Variants in ARFGEF1 observed in about 807,000 individuals in gnomAD.
ARFGEF1 encodes the protein brefeldin A-inhibited guanine nucleotide-exchange protein 1.
In ARFGEF1, 42 loss-of-function variants were observed where a neutral mutation model predicts 231.0. That is an observed-to-expected ratio of 0.18 (90% CI 0.14 to 0.24). The LOEUF (loss-of-function observed/expected upper bound fraction) is 0.24. Among genes scored for constraint, ARFGEF1 ranks in the 10% least tolerant of loss-of-function variants. The pLI, the probability that ARFGEF1 is intolerant of heterozygous loss-of-function variation, is 1.00. For missense variants in ARFGEF1, 1,345 were observed against 2,192.0 expected (o/e 0.61, Z 7.72); for synonymous variants, 710 against 732.3 (o/e 0.97, Z 0.49).
downstream of ARFGEF1, chr8:67,193,540 G>C (rs560351612): frequency 1.9e-6 from 3 of 1,613,596 alleles, no homozygotes; most frequent in African/African-American, 1.3e-5. Flanking sequence ...GATGAGCTTA[G>C]AGTGAGAAAT....
At chr8:67,254,629 C>T (rs1840398314) in intron 17 of ARFGEF1, among the ~76,000 whole-genome samples, 1 of 152,076 alleles carries the variant, frequency 6.6e-6, no homozygotes, top group African/African-American at 2.4e-5. Context: ...AATTCAAGTC[C>T]AGCCTAGGCA....
At chr8:67,195,587 TG>T, downstream of ARFGEF1, 1 of 1,613,666 alleles carries the variant, frequency 6.2e-7, no homozygotes, top group Non-Finnish European at 8.5e-7. Flanking sequence ...CGACTGCACA[TG>T]GTTAAAATAA....
chr8:67,324,966 T>C (rs1467560684), intron 1 of ARFGEF1, among the ~76,000 whole-genome samples: 1 of 151,336 alleles, frequency 6.6e-6, no homozygotes, highest in Non-Finnish European at 1.5e-5. Flanking sequence ...CAGGCTGGAA[T>C]GCAACGGCGC....
At chr8:67,283,535 A>G (rs1394326944) in intron 7 of ARFGEF1, among the ~76,000 whole-genome samples, 4 of 152,158 alleles carry the variant, frequency 2.6e-5, no homozygotes, top group Non-Finnish European at 5.9e-5. Flanking sequence ...TTAAAAAATT[A>G]TGTACAGCAA....
chr8:67,187,544 T>A (rs190113239), intron 5 of ARFGEF1, among the ~76,000 whole-genome samples: 1 of 152,064 alleles, frequency 6.6e-6, no homozygotes, highest in Non-Finnish European at 1.5e-5. Flanking sequence ...AATTAGCCGA[T>A]GTGGTGGCAC....
chr8:67,337,245 T>C (rs1808392710), intron 1 of ARFGEF1, among the ~76,000 whole-genome samples: 1 of 150,480 alleles, frequency 6.6e-6, no homozygotes, highest in Non-Finnish European at 1.5e-5. Context: ...CATTCTAAAA[T>C]ACATATAAAA....
chr8:67,177,937 G>A (rs1484785462), intron 5 of ARFGEF1, among the ~76,000 whole-genome samples: 2 of 152,130 alleles, frequency 1.3e-5, no homozygotes, highest in African/African-American at 4.8e-5. Flanking sequence ...CTAGCACTAG[G>A]CTGTTCCAGT....
chr8:67,256,913 G>A (rs577378774), intron 17 of ARFGEF1, among the ~76,000 whole-genome samples: 1 of 152,246 alleles, frequency 6.6e-6, no homozygotes, highest in East Asian at 1.9e-4. Context: ...AACACACTGA[G>A]ATAAATGCAG....
At chr8:67,275,560 T>C (rs1805277661) in intron 9 of ARFGEF1, among the ~76,000 whole-genome samples, 1 of 152,090 alleles carries the variant, frequency 6.6e-6, no homozygotes, top group African/African-American at 2.4e-5. Context: ...AACCTAGGGC[T>C]GGGATACAGG....
At chr8:67,273,273 T>C (rs1355706449) in intron 9 of ARFGEF1, among the ~76,000 whole-genome samples, 1 of 151,886 alleles carries the variant, frequency 6.6e-6, no homozygotes, top group Non-Finnish European at 1.5e-5. Context: ...CTATCTAGTG[T>C]TTTAATTATT....
intron 14 of ARFGEF1, 49 bp from the exon 15 acceptor site, chr8:67,259,975 C>T: frequency 7.7e-7 from 1 of 1,307,056 alleles, no homozygotes; most frequent in Admixed American, 2.1e-5. Context: ...CATTCGTAGT[C>T]CCTGAAAAGA....
chr8:67,278,919 CTAA>C (rs1352152504), intron 7 of ARFGEF1, among the ~76,000 whole-genome samples: 1 of 151,922 alleles, frequency 6.6e-6, no homozygotes, highest in African/African-American at 2.4e-5. Flanking sequence ...CTTCAATATG[CTAA>C]TGTTTGATGT....
In ARFGEF1 at chr8:67,218,053, T is replaced by C. The variant is rs1445097490; in HGVS notation, c.4424A>G (p.Asp1475Gly). 1 of 1,612,140 alleles carries C rather than the reference T, an allele frequency of 6.2e-7. No homozygotes were observed. Residue 1475 changes from aspartate to glycine, a missense_variant, in exon 31 of 39, where the codon GAT becomes GGT. Transcript: ENST00000262215. The part of the protein sequence containing the change: ...VFTQYLEVLS[D>G]VLLDDIFAQL... ...AGCAAAAATGTCATCCAAAAGTACA[T>C]CACTGAGTACTTCTAAATACTGAGT...
At chr8:67,212,094 T>A (rs1003038099) in intron 33 of ARFGEF1, among the ~76,000 whole-genome samples, 2 of 152,178 alleles carry the variant, frequency 1.3e-5, no homozygotes, top group African/African-American at 4.8e-5. Context: ...ATTTATTTAC[T>A]TTTTTGAGAT....
At chr8:67,334,041 C>A (rs1468702284) in intron 1 of ARFGEF1, among the ~76,000 whole-genome samples, 1 of 147,840 alleles carries the variant, frequency 6.8e-6, no homozygotes, top group Non-Finnish European at 1.5e-5. Flanking sequence ...GAGGCTGAGA[C>A]AGGAGAATCA....
chr8:67,175,290 T>G, downstream of ARFGEF1: 1 of 1,601,168 alleles, frequency 6.2e-7, no homozygotes, highest in Non-Finnish European at 8.5e-7. Context: ...ATATTTTTTA[T>G]ACCAGATTCA....
Position 67,301,255 on chromosome 8 carries a change from C to G in ARFGEF1, c.281G>C (p.Arg94Pro). 6.2e-7 allele frequency: 1 copy of G among 1,613,220 alleles called. No individual in the cohort carries two copies. The highest frequency in any genetic ancestry group is 8.5e-7 in the Non-Finnish European group (1 of 1,179,764). The change falls in exon 3 of 39, where the codon CGC becomes CCC. Residue 94 changes from arginine to proline, a missense_variant. Physicochemically the swap from Arg to Pro is moderately radical, Grantham distance 103. Coordinates refer to ENST00000262215, the MANE Select transcript of ARFGEF1 (RefSeq NM_006421.5). ...FELACQSKCP[R>P]IVSTSLDCLQ... ...GCAATCTAGAGATGTACTAACTATGCGAGGACATTTGGACTGGCATGCCAA... is the reference window on the plus strand; with the variant it reads ...GCAATCTAGAGATGTACTAACTATGGGAGGACATTTGGACTGGCATGCCAA...
intron 10 of ARFGEF1, among the ~76,000 whole-genome samples, chr8:67,268,493 A>G (rs1804939284): frequency 6.6e-6 from 1 of 152,318 alleles, no homozygotes; most frequent in Admixed American, 6.5e-5. Context: ...CATCTGTTGG[A>G]TACCTCAAAA....
At chr8:67,220,126 G>T (rs1839097185) in intron 29 of ARFGEF1, among the ~76,000 whole-genome samples, 1 of 152,208 alleles carries the variant, frequency 6.6e-6, no homozygotes, top group South Asian at 2.1e-4. Flanking sequence ...AGTGCTTATT[G>T]CCTGGGAGGC....
Sources: gnomAD v4.1 joint callset for allele counts (sites outside exome capture counted in the v4.1 genomes callset) on GRCh38, gnomAD v4.1.1 for gene constraint, MANE v1.5 for transcripts, NCBI Gene and HGNC (gene_info 2026-07-23, HGNC 2026-07-21) for gene names.